LINGO2: variants seen among roughly 807,000 people sequenced by gnomAD.
LINGO2 encodes the protein leucine-rich repeat and immunoglobulin-like domain-containing nogo receptor-interacting protein 2.
A neutral mutation model predicts 30.6 loss-of-function variants in LINGO2; 14 were observed. That is an observed-to-expected ratio of 0.46 (90% CI 0.30 to 0.72). The LOEUF (loss-of-function observed/expected upper bound fraction) is 0.72, where lower values mean the gene tolerates loss of function less well. Ranked by LOEUF, LINGO2 falls within the 30% of genes least tolerant of loss-of-function variation. LINGO2 has a pLI of 0.07. For synonymous variants in LINGO2, 317 were observed against 288.5 expected, an observed-to-expected ratio of 1.10 and a Z score of -1.00; for missense variants, 729 against 751.7, an observed-to-expected ratio of 0.97 and a Z score of 0.35.
chr9:28,544,012 C>A (rs1564279878), intron 1 of LINGO2, among the ~76,000 whole-genome samples: 1 of 151,908 alleles, frequency 6.6e-6, no homozygotes, highest in African/African-American at 2.4e-5. Context: ...TGAGACCAAC[C>A]TGGCCAACAT....
chr9:28,379,150 G>C (rs1344545051), intron 2 of LINGO2, among the ~76,000 whole-genome samples: 1 of 151,870 alleles, frequency 6.6e-6, no homozygotes, highest in African/African-American at 2.4e-5. Flanking sequence ...GGAGAGGTTG[G>C]GGCAATGCCA....
the LINGO2 span, among the ~76,000 whole-genome samples, chr9:28,880,108 T>C: frequency 6.6e-6 from 1 of 152,178 alleles, no homozygotes; most frequent in Admixed American, 6.5e-5. Flanking sequence ...TAGAAGAATA[T>C]TCTTTTTTTC....
At chr9:28,558,094 T>G (rs1318528017) in intron 1 of LINGO2, among the ~76,000 whole-genome samples, 2 of 150,780 alleles carry the variant, frequency 1.3e-5, no homozygotes, top group Non-Finnish European at 2.9e-5. Flanking sequence ...CATGTATATG[T>G]ATGTAACTAA....
At chr9:29,213,255 T>G in the LINGO2 span, among the ~76,000 whole-genome samples, 3 of 152,268 alleles carry the variant, frequency 2.0e-5, no homozygotes, top group East Asian at 5.8e-4. Context: ...TATTCTCAGT[T>G]GCGGCCGCTC....
chr9:28,331,115 C>T (rs13283459), intron 3 of LINGO2, among the ~76,000 whole-genome samples: 26,232 of 151,812 alleles, frequency 0.17, 2,991 homozygotes, highest in Non-Finnish European at 0.25. Flanking sequence ...AAGTATTCAA[C>T]TGAAACAAAA....
At chr9:29,041,157 G>T in the LINGO2 span, among the ~76,000 whole-genome samples, 3 of 151,916 alleles carry the variant, frequency 2.0e-5, no homozygotes, top group Non-Finnish European at 4.4e-5. Context: ...GTTCACTCTT[G>T]CTTGCAATGA....
chr9:29,088,617 A>G, the LINGO2 span, among the ~76,000 whole-genome samples: 1 of 152,200 alleles, frequency 6.6e-6, no homozygotes, highest in Non-Finnish European at 1.5e-5. Context: ...TAGGTAAAAT[A>G]TTAGTGAAAA....
chr9:28,717,389 G>A, the LINGO2 span, among the ~76,000 whole-genome samples: 1 of 150,244 alleles, frequency 6.7e-6, no homozygotes, highest in Non-Finnish European at 1.5e-5. Flanking sequence ...AAAAATAAAT[G>A]TTATTAAGGT....
the LINGO2 span, among the ~76,000 whole-genome samples, chr9:29,065,852 T>TA: frequency 1.3e-5 from 2 of 152,012 alleles, no homozygotes; most frequent in Non-Finnish European, 2.9e-5. Context: ...AAATGTTCTG[T>TA]AAAAATCAAG....
chr9:29,048,729 C>T, the LINGO2 span, among the ~76,000 whole-genome samples: 1 of 152,060 alleles, frequency 6.6e-6, no homozygotes, highest in South Asian at 2.1e-4. Context: ...GACAATTTTT[C>T]AATAAATGGT....
At chr9:28,683,364 C>T in the LINGO2 span, among the ~76,000 whole-genome samples, 2 of 152,030 alleles carry the variant, frequency 1.3e-5, no homozygotes, top group Admixed American at 6.6e-5. Context: ...TACATGGGTA[C>T]ATCTTTGACA....
At chr9:28,131,092 C>T (rs1320443576) in intron 4 of LINGO2, among the ~76,000 whole-genome samples, 1 of 151,466 alleles carries the variant, frequency 6.6e-6, no homozygotes, top group Non-Finnish European at 1.5e-5. Flanking sequence ...AGTTTTTTCT[C>T]TGCTTTCAAC....
chr9:28,835,882 A>T, the LINGO2 span, among the ~76,000 whole-genome samples: 1 of 152,090 alleles, frequency 6.6e-6, no homozygotes, highest in East Asian at 1.9e-4. Context: ...TGCACTTATC[A>T]CACTCTTTGC....
At chr9:28,159,816 C>T (rs907989449) in intron 4 of LINGO2, among the ~76,000 whole-genome samples, 3 of 152,162 alleles carry the variant, frequency 2.0e-5, no homozygotes, top group Non-Finnish European at 2.9e-5. Flanking sequence ...ATACAGTTCA[C>T]ATATTTTTAT....
chr9:28,496,820 T>C (rs1209712411), intron 1 of LINGO2, among the ~76,000 whole-genome samples: 1 of 152,170 alleles, frequency 6.6e-6, no homozygotes, highest in Admixed American at 6.5e-5. Flanking sequence ...CCATGTTTAG[T>C]GCTTCCTTCA....
intron 1 of LINGO2, among the ~76,000 whole-genome samples, chr9:28,487,394 A>T (rs1826213794): frequency 6.6e-6 from 1 of 152,188 alleles, no homozygotes; most frequent in Non-Finnish European, 1.5e-5. Context: ...CTACTTGAAT[A>T]AGCCTGATAT....
At chr9:28,326,352 G>A (rs10812780) in intron 3 of LINGO2, among the ~76,000 whole-genome samples, 20,489 of 152,142 alleles carry the variant, frequency 0.13, 1,550 homozygotes, top group Middle Eastern at 0.27. Context: ...GTTCTAGTGC[G>A]TGCCAATGTC....
At chr9:29,030,103 T>C in the LINGO2 span, among the ~76,000 whole-genome samples, 1 of 152,158 alleles carries the variant, frequency 6.6e-6, no homozygotes, top group Admixed American at 6.6e-5. Flanking sequence ...AGAATGATAG[T>C]ATAAATTCTT....
chr9:27,948,840 G>A (rs1165138517), exon 6 of LINGO2: 1 of 1,597,850 alleles, frequency 6.3e-7, no homozygotes, highest in Admixed American at 1.7e-5. Flanking sequence ...AGTAATGTGA[G>A]GGGTGGGCCT....
Sources: gnomAD v4.1 joint callset for allele counts (sites outside exome capture counted in the v4.1 genomes callset) on GRCh38, gnomAD v4.1.1 for gene constraint, MANE v1.5 for transcripts, NCBI Gene and HGNC (gene_info 2026-07-23, HGNC 2026-07-21) for gene names.